PCYT1B: variants seen among roughly 807,000 people sequenced by gnomAD.
PCYT1B encodes the protein choline-phosphate cytidylyltransferase B.
Under a neutral mutation model 26.4 loss-of-function variants are expected in PCYT1B, and 10 were observed. That is an observed-to-expected ratio of 0.38 (90% confidence interval 0.23 to 0.64). PCYT1B has a LOEUF of 0.64. PCYT1B is among the 30% of genes least tolerant of loss of function. PCYT1B has a pLI of 0.56. For missense variants in PCYT1B, 161 were observed against 292.7 expected (o/e 0.55, Z 3.28); for synonymous variants, 131 against 108.4 (o/e 1.21, Z -1.29).
chrX:24,573,017 CACACACAT>C (rs1218220584), intron 7 of PCYT1B, among the ~76,000 whole-genome samples: 1 of 107,104 alleles, frequency 9.3e-6, no homozygotes, highest in East Asian at 2.9e-4. Context: ...CACACATATA[CACACACAT>C]ACACACATAT....
At chrX:24,569,633 A>G (rs1923754782) in intron 7 of PCYT1B, among the ~76,000 whole-genome samples, 1 of 112,330 alleles carries the variant, frequency 8.9e-6, no homozygotes. Flanking sequence ...CATCATGCTA[A>G]GTGAAATATG....
rs1288003075 is a variant in PCYT1B, at chrX:24,563,278, C to T, written c.898-773G>A. ...AGAGGATAGCAAGTGGGGCTGGGAG[C>T]AGGGCAGCTGCGATTGCAAACAGGG... is the stretch of plus-strand genomic sequence containing the variant. On this transcript the variant is annotated intron_variant, in intron 7 of 7. Transcript: ENST00000379144. Among the ~76,000 whole-genome samples the T allele has an allele frequency of 4.5e-5, 5 of 111,907 alleles. No homozygotes were observed. In the Admixed American group the frequency reaches 4.7e-4, roughly 11 times the overall value.
chrX:24,562,541 T>C, intron 7 of PCYT1B, 36 bp from the exon 8 acceptor site: 5 of 1,139,370 alleles, frequency 4.4e-6, no homozygotes, highest in Non-Finnish European at 5.9e-6. Flanking sequence ...TCTGTTAACT[T>C]TGCAATCTGA....
chrX:24,647,529 C>T, upstream of PCYT1B, among the ~76,000 whole-genome samples: 1 of 112,067 alleles, frequency 8.9e-6, no homozygotes, highest in East Asian at 2.8e-4. Context: ...TCTCCGTCCT[C>T]TCTGGGCACG....
intron 1 of PCYT1B, among the ~76,000 whole-genome samples, chrX:24,654,865 T>A (rs1926872554): frequency 9.1e-6 from 1 of 109,861 alleles, no homozygotes; most frequent in African/African-American, 3.3e-5. Context: ...AAAGCATTAT[T>A]ACCTCCTATG....
chrX:24,571,436 A>G (rs1019237094), intron 7 of PCYT1B, among the ~76,000 whole-genome samples: 17 of 111,777 alleles, frequency 1.5e-4, no homozygotes, highest in African/African-American at 5.5e-4. Flanking sequence ...AAGGACATTG[A>G]AAAAAGAATT....
chrX:24,648,879 T>C (rs139700733), upstream of PCYT1B, among the ~76,000 whole-genome samples: 249 of 111,348 alleles, frequency 2.2e-3, no homozygotes, highest in African/African-American at 7.5e-3. Context: ...AAATGAGATA[T>C]CATGTCATTG....
At chrX:24,616,853 C>G in intron 2 of PCYT1B, among the ~76,000 whole-genome samples, 1 of 112,185 alleles carries the variant, frequency 8.9e-6, no homozygotes, top group Admixed American at 9.5e-5. Context: ...TCTGCCTACT[C>G]TGCTCCTCAC....
At chrX:24,667,886 CCTCA>C (rs1927160360) in intron 1 of PCYT1B, among the ~76,000 whole-genome samples, 1 of 111,553 alleles carries the variant, frequency 9.0e-6, no homozygotes, top group African/African-American at 3.3e-5. Flanking sequence ...ATTTTTCTTT[CCTCA>C]CTATGGCTAA....
intron 1 of PCYT1B, among the ~76,000 whole-genome samples, chrX:24,633,428 C>T (rs909656675): frequency 9.1e-6 from 1 of 110,404 alleles, no homozygotes; most frequent in African/African-American, 3.3e-5. Flanking sequence ...AATCCCAGCA[C>T]TTTGGGAGGC....
chrX:24,623,672 C>T (rs1925778598), intron 1 of PCYT1B, among the ~76,000 whole-genome samples: 1 of 111,433 alleles, frequency 9.0e-6, no homozygotes, highest in Non-Finnish European at 1.9e-5. Flanking sequence ...AGCCACATTT[C>T]ATCAGGCTTT....
At chrX:24,601,979 A>G (rs1003828706) in intron 3 of PCYT1B, among the ~76,000 whole-genome samples, 4 of 112,506 alleles carry the variant, frequency 3.6e-5, no homozygotes, top group African/African-American at 1.3e-4. Context: ...CATGCAGTCT[A>G]GCAATCACAC....
intron 1 of PCYT1B, among the ~76,000 whole-genome samples, chrX:24,631,226 A>T (rs1379205536): frequency 9.0e-5 from 10 of 111,667 alleles, no homozygotes; most frequent in Non-Finnish European, 1.9e-5. Flanking sequence ...CTAGCCAGAA[A>T]GTCCTGTTTT....
chrX:24,584,190 A>T (rs1924294637), intron 5 of PCYT1B, among the ~76,000 whole-genome samples: 1 of 110,960 alleles, frequency 9.0e-6, no homozygotes. Flanking sequence ...TTAGCTGGGC[A>T]TGGTGGTGTG....
intron 1 of PCYT1B, among the ~76,000 whole-genome samples, chrX:24,637,491 A>AAAAATATATATATATATATATAT: frequency 1.9e-5 from 1 of 52,894 alleles, no homozygotes; most frequent in Admixed American, 2.5e-4. Flanking sequence ...AAAAAAAAAA[A>AAAAATATATATATATATATATAT]ATATATATAT....
At chrX:24,642,564 CTAAT>C (rs753567199) in intron 1 of PCYT1B, among the ~76,000 whole-genome samples, 231 of 111,806 alleles carry the variant, frequency 2.1e-3, no homozygotes, top group African/African-American at 6.7e-3. Context: ...ATGGAAGAAA[CTAAT>C]TGATTGATTC....
At chrX:24,569,942 G>C (rs956456426) in intron 7 of PCYT1B, among the ~76,000 whole-genome samples, 1 of 111,429 alleles carries the variant, frequency 9.0e-6, no homozygotes, top group Non-Finnish European at 1.9e-5. Context: ...CCAGCACTTC[G>C]GGAGGCTGAG....
chrX:24,581,622 A>G (rs947482868), intron 5 of PCYT1B, among the ~76,000 whole-genome samples: 6 of 112,539 alleles, frequency 5.3e-5, no homozygotes, highest in African/African-American at 1.9e-4. Flanking sequence ...AGATCTTTAT[A>G]AAATAACTTG....
chrX:24,582,441 G>A (rs939462819), intron 5 of PCYT1B, among the ~76,000 whole-genome samples: 3 of 111,800 alleles, frequency 2.7e-5, no homozygotes, highest in Non-Finnish European at 5.6e-5. Context: ...TGAGATACCC[G>A]GCTTCCTTCA....
Sources: allele counts gnomAD v4.1 joint callset (sites outside exome capture counted in the v4.1 genomes callset), GRCh38; gene constraint gnomAD v4.1.1; transcripts MANE v1.5; gene names NCBI Gene and HGNC (gene_info 2026-07-23, HGNC 2026-07-21).